Variants in ENTPD6 observed in about 807,000 individuals in gnomAD.
ENTPD6 encodes CD39 antigen-like 2.
A neutral mutation model predicts 61.5 loss-of-function variants in ENTPD6; 46 were observed. The ratio of observed to expected loss-of-function variants is 0.75; its 90% CI spans 0.59 to 0.96. The LOEUF is 0.96. ENTPD6 is among the 40% of genes least tolerant of loss of function. The probability of loss-of-function intolerance (pLI) is 0.00; values close to 1 mark genes in which losing one functional copy is unlikely to be tolerated. For synonymous variants in ENTPD6, 252 were observed against 255.5 expected (o/e 0.99, Z 0.13); for missense variants, 612 against 629.0 (o/e 0.97, Z 0.29).
At chr20:25,196,235 T>A in intron 1 of ENTPD6, 2 of 1,121,090 alleles carry the variant, frequency 1.8e-6, no homozygotes, top group Non-Finnish European at 2.2e-6. Context: ...AAGCTTCGCG[T>A]AGCAGTTTCT....
chr20:25,215,816 C>A, intron 7 of ENTPD6, 105 bp downstream of exon 7: 1 of 1,247,838 alleles, frequency 8.0e-7, no homozygotes, highest in Non-Finnish European at 1.2e-6. Flanking sequence ...TTTAAGATAA[C>A]CCCTCAGGGT....
chr20:25,221,849 A>G (rs2092643632), intron 11 of ENTPD6: 1 of 229,892 alleles, frequency 4.3e-6, no homozygotes, highest in Non-Finnish European at 8.7e-6. Context: ...GCCTTCGCGA[A>G]CCGTTCAGGT....
chr20:25,215,564 G>A, intron 6 of ENTPD6, 112 bp from the exon 7 acceptor site: 1 of 1,061,858 alleles, frequency 9.4e-7, no homozygotes, highest in Non-Finnish European at 1.5e-6. Context: ...GTGTAGTGCG[G>A]AAGTGATCCC....
At chr20:25,218,275 A>G (rs111481028) in intron 9 of ENTPD6, among the ~76,000 whole-genome samples, 1,681 of 152,352 alleles carry the variant, frequency 0.011, 32 homozygotes, top group African/African-American at 0.039. Flanking sequence ...GTTATAAAGC[A>G]GGAGCATCCC....
At chr20:25,225,100 C>T (rs1053863624) in intron 13 of ENTPD6, 105 bp from the exon 14 acceptor site, 28 of 1,488,942 alleles carry the variant, frequency 1.9e-5, no homozygotes, top group East Asian at 2.5e-5. Context: ...ATCCGGAGTG[C>T]GGAGCCAGCG....
intron 4 of ENTPD6, among the ~76,000 whole-genome samples, chr20:25,211,086 G>A (rs1433451468): frequency 6.6e-6 from 1 of 152,182 alleles, no homozygotes; most frequent in Non-Finnish European, 1.5e-5. Context: ...ACTAATACAG[G>A]ATGCCTGGTT....
intron 12 of ENTPD6, among the ~76,000 whole-genome samples, chr20:25,223,553 AGCTGACACGGTGCCG>A (rs1433373039): frequency 6.6e-6 from 1 of 152,104 alleles, no homozygotes; most frequent in Admixed American, 6.5e-5. Context: ...GTTTTAAATA[AGCTGACACGGTGCCG>A]GCTCTCTGGG....
chr20:25,204,299 T>C (rs2122614579), intron 1 of ENTPD6, among the ~76,000 whole-genome samples: 1 of 152,324 alleles, frequency 6.6e-6, no homozygotes, highest in South Asian at 2.1e-4. Context: ...TTTTCATTGC[T>C]GTTTGGTTTA....
At chr20:25,213,147 C>T in intron 4 of ENTPD6, 116 bp from the exon 5 acceptor site, 23 of 1,197,174 alleles carry the variant, frequency 1.9e-5, no homozygotes, top group Non-Finnish European at 2.8e-5. Flanking sequence ...CTAGCCTGGG[C>T]AACACAGTGA....
At position 25,221,235 on chromosome 20, in the gene ENTPD6, A is replaced by T. The variant is rs146956456; in HGVS notation, c.947A>T (p.Lys316Met). The change falls in exon 11 of 15, where the codon AAG becomes ATG. Residue 316 changes from lysine to methionine, a missense_variant. Physicochemically the swap from Lys to Met is moderately conservative, Grantham distance 95. Coordinates refer to ENST00000376652, the MANE Select transcript of ENTPD6 (RefSeq NM_001247.5). ...TCCTTTTTAATCTCTGTTTCAGCTA[A>T]GGATGGAAAGGAGTTGGTCAGCCCT... ...ILGGVEGQPA[K>M]DGKELVSPCL... is the part of the protein sequence containing the mutation. 3.4e-5 allele frequency: 55 copies of T among 1,611,926 alleles called. No homozygotes were observed. In the African/African-American group the frequency reaches 5.7e-4, roughly 17 times the overall value.
rs371684376 is a variant in ENTPD6 at position 25,214,886 on chromosome 20, C to A, written c.617C>A (p.Ala206Glu). The A allele has an allele frequency of 6.3e-7, 1 of 1,591,866 alleles. No individual in the cohort carries two copies. The highest frequency in any genetic ancestry group is 8.6e-7 in the Non-Finnish European group (1 of 1,159,844). The change falls in exon 6 of 15, where the codon GCA becomes GAA. Residue 206 changes from alanine (A) to glutamate (E), a missense_variant. Transcript: ENST00000376652. Reference sequence around the variant, plus strand: ...ATTTAGGTGAAAAAAGTATTTAAAGCATCGCCTTTCCTTGTAGGGGATGAC... The same window carrying A: ...ATTTAGGTGAAAAAAGTATTTAAAGAATCGCCTTTCCTTGTAGGGGATGAC... ...LLQKVKKVFK[A>E]SPFLVGDDCV...
intron 1 of ENTPD6, chr20:25,196,223 G>C: frequency 8.7e-7 from 1 of 1,151,280 alleles, no homozygotes. Flanking sequence ...AGCCCGGCGG[G>C]GAAGCTTCGC....
intron 6 of ENTPD6, 80 bp downstream of exon 6, chr20:25,215,022 C>A: frequency 1.1e-6 from 1 of 932,494 alleles, no homozygotes; most frequent in Non-Finnish European, 1.8e-6. Flanking sequence ...TCTAACCATC[C>A]GCCACCCCTC....
At chr20:25,210,565 G>C (rs2091894519) in intron 4 of ENTPD6, among the ~76,000 whole-genome samples, 1 of 152,080 alleles carries the variant, frequency 6.6e-6, no homozygotes, top group African/African-American at 2.4e-5. Flanking sequence ...GGATCACTTG[G>C]GCCTGGGAGG....
chr20:25,215,656 C>T lies in ENTPD6; in HGVS notation c.674-20C>T. 6.2e-7 allele frequency: 1 copy of T among 1,613,852 alleles called. No individual in the cohort carries two copies. The highest frequency in any genetic ancestry group is 8.5e-7 in the Non-Finnish European group (1 of 1,179,728). On this transcript the variant is annotated intron_variant, in intron 6 of 14. Coordinates refer to ENST00000376652, the MANE Select transcript of ENTPD6 (RefSeq NM_001247.5). ...AGCATCTCAAGTGATTAAAATAATGCCTGTGACACTCTCTTGCAGGCGTTT... is the reference window on the plus strand; with the variant it reads ...AGCATCTCAAGTGATTAAAATAATGTCTGTGACACTCTCTTGCAGGCGTTT...
chr20:25,199,384 G>C (rs889414809), intron 1 of ENTPD6, among the ~76,000 whole-genome samples: 7 of 152,184 alleles, frequency 4.6e-5, no homozygotes, highest in Non-Finnish European at 1.0e-4. Context: ...GGTGGGCCCT[G>C]CCCTCTTTAT....
rs73904018 is a variant in ENTPD6 at position 25,198,136 on chromosome 20, C to G, written c.-16+2269C>G. The stretch of plus-strand genomic sequence containing the variant: ...TAGATTTAATATACCACCTGTGAAT[C>G]TGATCATGTAGAATATGGTTCTTAG... On this transcript the variant is annotated intron_variant, in intron 1 of 14. Transcript: ENST00000376652. 8.3e-3 allele frequency among the ~76,000 whole-genome samples: 1,260 copies of G among 152,224 alleles called. 14 individuals carry two copies. The highest frequency in any genetic ancestry group is 0.028 in the African/African-American group (1,173 of 41,512).
rs750749788 is a variant in ENTPD6 at position 25,218,562 on chromosome 20, C to T, written c.891C>T (p.Leu297=). Residue 297 remains leucine, a synonymous_variant, in exon 10 of 15, where the codon CTC becomes CTT. Coordinates refer to ENST00000376652, the MANE Select transcript of ENTPD6 (RefSeq NM_001247.5). ...GTCATTCCCACAGCTACCTCGGGCTCGGGCTGATGTCGGCACGCCTGGCGA... is the reference window on the plus strand; with the variant it reads ...GTCATTCCCACAGCTACCTCGGGCTTGGGCTGATGTCGGCACGCCTGGCGA... ...YKLYSYSYLG[L]GLMSARLAIL... 8.7e-6 allele frequency: 14 copies of T among 1,607,038 alleles called. No homozygotes were observed. The highest frequency in any genetic ancestry group is 1.3e-5 in the African/African-American group (1 of 74,898).
At chr20:25,201,026 C>CA in intron 1 of ENTPD6, among the ~76,000 whole-genome samples, 1 of 152,314 alleles carries the variant, frequency 6.6e-6, no homozygotes, top group Middle Eastern at 3.4e-3. Flanking sequence ...TCACTTATCT[C>CA]AAGGTATTTT....
Sources: allele counts gnomAD v4.1 joint callset (sites outside exome capture counted in the v4.1 genomes callset), GRCh38; gene constraint gnomAD v4.1.1; transcripts MANE v1.5; gene names NCBI Gene and HGNC (gene_info 2026-07-23, HGNC 2026-07-21).